Variants in MOB1B observed in about 807,000 individuals in gnomAD.
MOB1B encodes the protein MOB1 Mps One Binder homolog B.
A neutral mutation model predicts 24.4 loss-of-function variants in MOB1B; 19 were observed. The observed-to-expected ratio is 0.78, with a 90% CI of 0.54 to 1.14. The LOEUF (loss-of-function observed/expected upper bound fraction) is 1.14, where lower values mean the gene tolerates loss of function less well. Ranked by LOEUF, MOB1B falls within the 50% of genes most tolerant of loss-of-function variation. The probability of loss-of-function intolerance (pLI) is 0.00; values close to 1 mark genes in which losing one functional copy is unlikely to be tolerated. For synonymous variants in MOB1B, 76 were observed against 82.1 expected (o/e 0.93, Z 0.40); for missense variants, 243 against 259.6 (o/e 0.94, Z 0.44).
At chr4:70,961,102 T>C (rs971935981) in intron 2 of MOB1B, among the ~76,000 whole-genome samples, 2 of 152,268 alleles carry the variant, frequency 1.3e-5, no homozygotes, top group African/African-American at 4.8e-5. Flanking sequence ...GCTTAATTCA[T>C]AAAGCTTAAT....
chr4:70,978,061 G>A (rs1223760884), intron 4 of MOB1B, among the ~76,000 whole-genome samples: 6 of 152,050 alleles, frequency 3.9e-5, no homozygotes, highest in Admixed American at 2.0e-4. Context: ...TTCATTTTAC[G>A]TATCTGCTAC....
chr4:70,957,784 G>A (rs1443682813), intron 1 of MOB1B, among the ~76,000 whole-genome samples: 2 of 148,648 alleles, frequency 1.3e-5, no homozygotes, highest in African/African-American at 5.0e-5. Flanking sequence ...AGAGATGGGG[G>A]TCTTGCTATG....
chr4:70,962,229 C>G (rs1738334729), intron 2 of MOB1B, among the ~76,000 whole-genome samples: 1 of 152,118 alleles, frequency 6.6e-6, no homozygotes, highest in African/African-American at 2.4e-5. Flanking sequence ...ACCAAGGACT[C>G]TTGCATTCAT....
chr4:70,958,853 T>A (rs1238052423), intron 1 of MOB1B, 21 bp from the exon 2 acceptor site: 2 of 1,590,446 alleles, frequency 1.3e-6, no homozygotes, highest in African/African-American at 2.7e-5. Flanking sequence ...TAAACCCTTT[T>A]TTTTTCTTTT....
At chr4:70,956,757 GAGTAGAGAT>G (rs1738070540) in intron 1 of MOB1B, among the ~76,000 whole-genome samples, 1 of 152,136 alleles carries the variant, frequency 6.6e-6, no homozygotes, top group Non-Finnish European at 1.5e-5. Flanking sequence ...TTTTGCTGTT[GAGTAGAGAT>G]AGGAGAGGGT....
At chr4:70,974,378 A>G (rs1738892546) in intron 3 of MOB1B, among the ~76,000 whole-genome samples, 1 of 152,140 alleles carries the variant, frequency 6.6e-6, no homozygotes. Context: ...TGCTAGGATT[A>G]CAGGTGTGAG....
At chr4:70,905,566 A>G (rs893727850) in intron 1 of MOB1B, among the ~76,000 whole-genome samples, 2 of 152,138 alleles carry the variant, frequency 1.3e-5, no homozygotes, top group Non-Finnish European at 2.9e-5. Flanking sequence ...TTCTGTACCA[A>G]CAGATGAGCA....
intron 1 of MOB1B, among the ~76,000 whole-genome samples, chr4:70,904,085 C>T (rs1264499002): frequency 1.5e-5 from 2 of 132,252 alleles, no homozygotes; most frequent in Admixed American, 9.3e-5. Flanking sequence ...CGGGTTCAAG[C>T]GATTCTCCTG....
Position 70,981,976 on chromosome 4 carries a change from A to C in MOB1B, c.574-4A>C. On this transcript the variant is annotated splice_region_variant and splice_polypyrimidine_tract_variant and intron_variant, in intron 5 of 5. Transcript: ENST00000309395. ...TATTCTGCCTTTCTTTATATCATGC[A>C]TAGGAATTCAACCTTATTGATAGAA... 1 of 1,590,446 alleles carries C rather than the reference A, an allele frequency of 6.3e-7. No homozygotes were observed. The highest frequency in any genetic ancestry group is 8.6e-7 in the Non-Finnish European group (1 of 1,159,350).
intron 1 of MOB1B, among the ~76,000 whole-genome samples, chr4:70,937,825 C>G (rs910464112): frequency 3.9e-5 from 6 of 152,102 alleles, no homozygotes; most frequent in Admixed American, 6.6e-5. Flanking sequence ...CGTGCCCGGC[C>G]CATCTCTTTG....
At chr4:70,906,789 A>G (rs1008412360) in intron 1 of MOB1B, among the ~76,000 whole-genome samples, 22 of 152,200 alleles carry the variant, frequency 1.4e-4, no homozygotes, top group Non-Finnish European at 1.6e-4. Context: ...CGGAAACTTC[A>G]CAGGGACCTC....
intron 1 of MOB1B, among the ~76,000 whole-genome samples, chr4:70,911,033 G>A (rs1735963639): frequency 6.6e-6 from 1 of 152,146 alleles, no homozygotes. Flanking sequence ...TGATCCGCCC[G>A]CCTTGGCCTC....
At chr4:70,925,587 T>C (rs1736617101) in intron 1 of MOB1B, among the ~76,000 whole-genome samples, 3 of 152,190 alleles carry the variant, frequency 2.0e-5, no homozygotes, top group South Asian at 2.1e-4. Flanking sequence ...TGCTGTAGAC[T>C]CTCAAAGTGT....
At chr4:70,955,858 ATAT>A (rs1435816134) in intron 1 of MOB1B, among the ~76,000 whole-genome samples, 12 of 151,880 alleles carry the variant, frequency 7.9e-5, no homozygotes, top group African/African-American at 4.8e-5. Flanking sequence ...ATGTCTATTT[ATAT>A]TATTACCATT....
At chr4:70,937,821 C>T (rs1159727386) in intron 1 of MOB1B, among the ~76,000 whole-genome samples, 7 of 152,216 alleles carry the variant, frequency 4.6e-5, no homozygotes, top group South Asian at 2.1e-4. Context: ...CCACCGTGCC[C>T]GGCCCATCTC....
chr4:70,935,847 A>ATTTTTTTTTTTT lies in MOB1B; in HGVS notation c.15-23016_15-23005dup, dbSNP rs11395356. ...GTGTACCACCATGCCTGGTACACTAATTTTTTTTTTTTTTTTTTTTTTGAG... is the reference window on the plus strand; with the variant it reads ...GTGTACCACCATGCCTGGTACACTAATTTTTTTTTTTTTTTTTTTTTTTTTTTTTTTTTTGAG... On this transcript the variant is annotated intron_variant, in intron 1 of 5. Coordinates refer to ENST00000309395, the MANE Select transcript of MOB1B (RefSeq NM_173468.4). Among the ~76,000 whole-genome samples the ATTTTTTTTTTTT allele has an allele frequency of 2.4e-3, 238 of 100,356 alleles. 7 individuals are homozygous for ATTTTTTTTTTTT. Among genetic ancestry groups the ATTTTTTTTTTTT allele is most frequent in the African/African-American group, 9.2e-3 (224 of 24,430 alleles). 65.8% of individuals were successfully genotyped at this position (100,356 alleles called of 152,430 possible). A position where few individuals can be genotyped will look rare whatever the true frequency, so the allele number is the denominator to read the frequency against.
At position 70,974,140 on chromosome 4, in the gene MOB1B, A is replaced by ATG. The variant is rs527904430; in HGVS notation, c.276-1001_276-1000dup. Among the ~76,000 whole-genome samples the ATG allele has an allele frequency of 3.6e-4, 54 of 151,704 alleles. No homozygotes were observed. In the South Asian group the frequency reaches 5.6e-3, roughly 16 times the overall value. On this transcript the variant is annotated intron_variant, in intron 3 of 5. Coordinates refer to ENST00000309395, the MANE Select transcript of MOB1B (RefSeq NM_173468.4). Reference sequence around the variant, plus strand: ...TCTTCCTTATCTCAAAATTCAGGGTATGTGTGTGTGTGTAACTCTTTTAGG... The same window carrying ATG: ...TCTTCCTTATCTCAAAATTCAGGGTATGTGTGTGTGTGTGTAACTCTTTTAGG...
intron 1 of MOB1B, among the ~76,000 whole-genome samples, chr4:70,937,989 CT>C (rs1237496281): frequency 6.6e-6 from 1 of 151,894 alleles, no homozygotes; most frequent in Non-Finnish European, 1.5e-5. Context: ...ATGAAGCATT[CT>C]TTTTTTCCTA....
At chr4:70,905,356 A>G (rs1235052696) in intron 1 of MOB1B, among the ~76,000 whole-genome samples, 1 of 151,682 alleles carries the variant, frequency 6.6e-6, no homozygotes, top group Non-Finnish European at 1.5e-5. Context: ...CTTTCATCTC[A>G]AACCCCCTCC....
Sources: allele counts gnomAD v4.1 joint callset (sites outside exome capture counted in the v4.1 genomes callset), GRCh38; gene constraint gnomAD v4.1.1; transcripts MANE v1.5; gene names NCBI Gene and HGNC (gene_info 2026-07-23, HGNC 2026-07-21).